The following BBS9 variants were observed in gnomAD, a reference collection of about 807,000 sequenced individuals.
The protein encoded by BBS9 is Bardet-Biedl syndrome 9, also known as protein PTHB1.
BBS9 carries 89 observed loss-of-function variants against 117.7 expected under a neutral mutation model. The ratio of observed to expected loss-of-function variants is 0.76; its 90% CI spans 0.64 to 0.90. The LOEUF is 0.90. BBS9 is among the 40% of genes least tolerant of loss of function. The pLI is 0.00. For missense variants in BBS9, 982 were observed against 1,042.2 expected (o/e 0.94, Z 0.80); for synonymous variants, 379 against 370.9 (o/e 1.02, Z -0.25).
Position 33,231,818 on chromosome 7 carries a change from C to T in BBS9, c.443-25418C>T, listed in dbSNP as rs180851174. 6.9e-3 allele frequency among the ~76,000 whole-genome samples: 1,046 copies of T among 152,048 alleles called. 13 individuals carry two copies. The highest frequency in any genetic ancestry group is 0.024 in the African/African-American group (994 of 41,484). On this transcript the variant is annotated intron_variant, in intron 5 of 22. Coordinates refer to ENST00000242067, the MANE Select transcript of BBS9 (RefSeq NM_198428.3). ...CTTTCTCTACATCAGGGTTTTACTA[C>T]CCTTGACGCTGTTGACATTTTGGTC...
At chr7:33,191,924 G>A (rs375802942) in intron 5 of BBS9, among the ~76,000 whole-genome samples, 21 of 151,652 alleles carry the variant, frequency 1.4e-4, no homozygotes, top group African/African-American at 4.6e-4. Flanking sequence ...GTTCACAGAG[G>A]CATATTTAAA....
At chr7:33,268,697 C>G (rs1799235976) in intron 7 of BBS9, among the ~76,000 whole-genome samples, 1 of 151,882 alleles carries the variant, frequency 6.6e-6, no homozygotes, top group African/African-American at 2.4e-5. Flanking sequence ...CTCATTAATT[C>G]AGAATGTAGT....
At chr7:33,405,719 T>C (rs1829817845) in intron 19 of BBS9, among the ~76,000 whole-genome samples, 1 of 152,192 alleles carries the variant, frequency 6.6e-6, no homozygotes, top group African/African-American at 2.4e-5. Context: ...ATTGCATCTA[T>C]TTGATTCTTC....
intron 19 of BBS9, among the ~76,000 whole-genome samples, chr7:33,441,644 T>G (rs975910063): frequency 3.9e-5 from 6 of 152,198 alleles, no homozygotes; most frequent in African/African-American, 1.4e-4. Flanking sequence ...AATATCTCTA[T>G]TAAATCAGGA....
chr7:33,140,825 C>A (rs1318457541), intron 1 of BBS9, among the ~76,000 whole-genome samples: 1 of 152,202 alleles, frequency 6.6e-6, no homozygotes, highest in Middle Eastern at 3.2e-3. Context: ...AAGTCTCCCA[C>A]ATATTTTGAA....
intron 19 of BBS9, among the ~76,000 whole-genome samples, chr7:33,426,679 C>T (rs748384856): frequency 2.6e-5 from 4 of 151,392 alleles, no homozygotes; most frequent in Non-Finnish European, 4.4e-5. Flanking sequence ...AAAAAAAAAA[C>T]GGAGTTTTTT....
intron 3 of BBS9, among the ~76,000 whole-genome samples, chr7:33,154,399 A>C (rs1793796084): frequency 6.6e-6 from 1 of 152,148 alleles, no homozygotes; most frequent in African/African-American, 2.4e-5. Context: ...TGCAGTTTAG[A>C]ACAGTCTGTT....
At chr7:33,578,781 T>C (rs1256492546) in intron 21 of BBS9, among the ~76,000 whole-genome samples, 1 of 152,150 alleles carries the variant, frequency 6.6e-6, no homozygotes, top group Non-Finnish European at 1.5e-5. Flanking sequence ...TTAAAATCTA[T>C]CCCATATCAG....
intron 13 of BBS9, among the ~76,000 whole-genome samples, chr7:33,350,023 T>C (rs905899918): frequency 1.2e-4 from 18 of 152,348 alleles, no homozygotes; most frequent in African/African-American, 4.1e-4. Context: ...TAATAATGCT[T>C]AAAATAGTAG....
chr7:33,470,784 T>G (rs910702045), intron 19 of BBS9, among the ~76,000 whole-genome samples: 2 of 152,138 alleles, frequency 1.3e-5, no homozygotes, highest in Non-Finnish European at 2.9e-5. Context: ...AGAGAATCCT[T>G]GGGCCAGCTG....
chr7:33,277,310 A>C (rs978349755), intron 9 of BBS9, among the ~76,000 whole-genome samples: 3 of 152,168 alleles, frequency 2.0e-5, no homozygotes, highest in Admixed American at 2.0e-4. Context: ...TGTTTTTGTC[A>C]TTCCCTAAGA....
In BBS9 at chr7:33,461,723, A is replaced by G. The variant is rs112260827; in HGVS notation, c.2116-43740A>G. On this transcript the variant is annotated intron_variant, in intron 19 of 22. Transcript: ENST00000242067. ...CACTTTATTTATGGAGTTAATAAAT[A>G]TTTACTCTGAATGGGAAGAAAAGAG... is the stretch of plus-strand genomic sequence containing the variant. 3.9e-4 allele frequency among the ~76,000 whole-genome samples: 59 copies of G among 152,160 alleles called. 1 individual carries two copies. The highest frequency in any genetic ancestry group is 1.3e-3 in the African/African-American group (56 of 41,570).
intron 19 of BBS9, among the ~76,000 whole-genome samples, chr7:33,436,036 C>T (rs574039221): frequency 2.5e-4 from 38 of 152,192 alleles, no homozygotes; most frequent in Non-Finnish European, 4.1e-4. Flanking sequence ...AGAGAATTAA[C>T]GTATTTGTAG....
intron 20 of BBS9, among the ~76,000 whole-genome samples, chr7:33,520,139 G>A (rs554837268): frequency 1.3e-5 from 2 of 151,850 alleles, no homozygotes; most frequent in African/African-American, 2.4e-5. Context: ...CTCTTGAGTA[G>A]CTGGGATTAC....
intron 9 of BBS9, among the ~76,000 whole-genome samples, chr7:33,315,364 CT>C (rs1352385184): frequency 6.6e-6 from 1 of 152,148 alleles, no homozygotes; most frequent in Non-Finnish European, 1.5e-5. Flanking sequence ...CTGTCTTTTC[CT>C]TTTCTGTCTC....
At chr7:33,471,046 G>A (rs1173479661) in intron 19 of BBS9, among the ~76,000 whole-genome samples, 1 of 152,170 alleles carries the variant, frequency 6.6e-6, no homozygotes, top group Non-Finnish European at 1.5e-5. Context: ...ATCTTCACAT[G>A]TGGAATAATC....
rs115616034 is a variant in BBS9, at chr7:33,226,071, C to G, written c.443-31165C>G. ...CCCTTTAGTAATAATGCCTTGGTGG[C>G]AATGATTCTCATTCTTAAGGGAAAA... On this transcript the variant is annotated intron_variant, in intron 5 of 22. Transcript: ENST00000242067. 2.7e-3 allele frequency among the ~76,000 whole-genome samples: 414 copies of G among 152,234 alleles called. 1 individual carries two copies. The highest frequency in any genetic ancestry group is 9.7e-3 in the African/African-American group (403 of 41,542).
rs189481016 is a variant in BBS9, at chr7:33,286,490, T to A, written c.1016+12534T>A. ...CTTAGAAAACACATGTGATTTAACA[T>A]TTTTTTCTCCTTACTTCAGATAGTG... is the stretch of plus-strand genomic sequence containing the variant. On this transcript the variant is annotated intron_variant, in intron 9 of 22. Transcript: ENST00000242067. Among the ~76,000 whole-genome samples the A allele has an allele frequency of 2.0e-5, 3 of 152,274 alleles. No individual in the cohort carries two copies. In the East Asian group the frequency reaches 5.8e-4, roughly 29 times the overall value.
chr7:33,172,418 C>T lies in BBS9; in HGVS notation c.329-5060C>T, dbSNP rs564123238. On this transcript the variant is annotated intron_variant, in intron 4 of 22. Transcript: ENST00000242067. ...ATAAAAAAAAAAAATGAAAAGAACA[C>T]GACTCTAGACCTCGTCATGTCCACC... Among the ~76,000 whole-genome samples the T allele has an allele frequency of 8.6e-5, 13 of 151,726 alleles. No homozygotes were observed. The South Asian group carries it at 2.7e-3, about 32-fold the overall frequency.
Sources: gnomAD v4.1 joint callset for allele counts (sites outside exome capture counted in the v4.1 genomes callset) on GRCh38, gnomAD v4.1.1 for gene constraint, MANE v1.5 for transcripts, NCBI Gene and HGNC (gene_info 2026-07-23, HGNC 2026-07-21) for gene names.